Variants in C1orf159 observed in about 807,000 individuals in gnomAD.
C1orf159 encodes the protein chromosome 1 open reading frame 159.
In C1orf159, 19 loss-of-function variants were observed where a neutral mutation model predicts 25.6. That is an observed-to-expected ratio of 0.74 (90% confidence interval 0.52 to 1.09). C1orf159 has a LOEUF of 1.09. Ranked by LOEUF, C1orf159 falls within the 50% of genes least tolerant of loss-of-function variation. The probability of loss-of-function intolerance (pLI) is 0.00; values close to 1 mark genes in which losing one functional copy is unlikely to be tolerated. For synonymous variants in C1orf159, 139 were observed against 124.7 expected (o/e 1.12, Z -0.77); for missense variants, 274 against 290.6 (o/e 0.94, Z 0.42).
chr1:1,101,639 A>G (rs950076614), intron 1 of C1orf159, among the ~76,000 whole-genome samples: 1 of 151,952 alleles, frequency 6.6e-6, no homozygotes, highest in Non-Finnish European at 1.5e-5. Flanking sequence ...CTCATGGTCT[A>G]TCAATCAGCT....
intron 1 of C1orf159, chr1:1,115,110 G>C (rs1002909617): frequency 1.3e-5 from 2 of 152,168 alleles, no homozygotes; most frequent in African/African-American, 4.8e-5. Context: ...AGGAGGCCAA[G>C]TTTGACATCC....
At chr1:1,100,906 C>T (rs755559225) in intron 1 of C1orf159, among the ~76,000 whole-genome samples, 38 of 152,296 alleles carry the variant, frequency 2.5e-4, no homozygotes, top group East Asian at 1.9e-4. Context: ...CTACTCTTCA[C>T]GTTGTGGCTG....
chr1:1,103,476 C>G (rs1646130666), intron 1 of C1orf159, among the ~76,000 whole-genome samples: 1 of 152,218 alleles, frequency 6.6e-6, no homozygotes, highest in Non-Finnish European at 1.5e-5. Context: ...AATGTTTCTA[C>G]TTAGCAGGCA....
At chr1:1,104,294 T>C (rs1441506658) in intron 1 of C1orf159, among the ~76,000 whole-genome samples, 1 of 152,200 alleles carries the variant, frequency 6.6e-6, no homozygotes, top group Non-Finnish European at 1.5e-5. Flanking sequence ...GCCCAGACAG[T>C]GGACTTTCTA....
At chr1:1,098,896 GC>G (rs1454868986) in intron 1 of C1orf159, among the ~76,000 whole-genome samples, 1 of 152,216 alleles carries the variant, frequency 6.6e-6, no homozygotes, top group African/African-American at 2.4e-5. Context: ...ACAAGCTTGA[GC>G]CCCCATGTGC....
At chr1:1,097,819 T>C (rs1435980698) in intron 1 of C1orf159, among the ~76,000 whole-genome samples, 2 of 152,082 alleles carry the variant, frequency 1.3e-5, no homozygotes, top group Non-Finnish European at 2.9e-5. Flanking sequence ...TATTGTTAAG[T>C]TTCTCCATTT....
At chr1:1,100,672 T>C (rs973791494) in intron 1 of C1orf159, among the ~76,000 whole-genome samples, 2 of 152,234 alleles carry the variant, frequency 1.3e-5, no homozygotes, top group African/African-American at 4.8e-5. Flanking sequence ...CTCTATTCTC[T>C]TTCTGGCCCT....
At chr1:1,094,726 T>G (rs1645987158) in intron 1 of C1orf159, among the ~76,000 whole-genome samples, 1 of 152,192 alleles carries the variant, frequency 6.6e-6, no homozygotes. Context: ...TTTATGGACA[T>G]CTTTTGAAGA....
At chr1:1,088,653 C>T (rs1487546763) in intron 4 of C1orf159, among the ~76,000 whole-genome samples, 1 of 152,096 alleles carries the variant, frequency 6.6e-6, no homozygotes, top group Non-Finnish European at 1.5e-5. Flanking sequence ...TTCTAAATAT[C>T]TCCAACACTC....
chr1:1,106,746 G>A (rs1017662259), intron 1 of C1orf159: 7 of 153,300 alleles, frequency 4.6e-5, no homozygotes, highest in Admixed American at 2.6e-4. Context: ...TGGGCTGGCC[G>A]AGGCCGGAGC....
chr1:1,090,499 C>T, intron 3 of C1orf159, 71 bp from the exon 4 acceptor site: 1 of 1,462,316 alleles, frequency 6.8e-7, no homozygotes, highest in Non-Finnish European at 9.4e-7. Flanking sequence ...GCAGCAGCGG[C>T]TGAGGGGTGC....
intron 1 of C1orf159, among the ~76,000 whole-genome samples, chr1:1,107,890 C>T (rs191272213): frequency 3.5e-4 from 53 of 152,170 alleles, no homozygotes; most frequent in East Asian, 2.3e-3. Context: ...AGTGAGACCA[C>T]GAACCCACCA....
At chr1:1,090,317 G>A (rs1295729274) in intron 4 of C1orf159, 36 bp downstream of exon 4, 4 of 1,547,260 alleles carry the variant, frequency 2.6e-6, no homozygotes, top group Admixed American at 3.9e-5. Context: ...TGGCTCAGGG[G>A]CCGGTCTGGA....
In C1orf159 at chr1:1,112,632, C is replaced by T. The variant is rs539601464; in HGVS notation, c.-136+3428G>A. On this transcript the variant is annotated intron_variant, in intron 1 of 9. Transcript: ENST00000421241. ...TGCTCCCTCCCTCCAGTGAACACACCGGGCATGCTCCCTCCCTCCAGGGAA... is the reference window on the plus strand; with the variant it reads ...TGCTCCCTCCCTCCAGTGAACACACTGGGCATGCTCCCTCCCTCCAGGGAA... 2.6e-5 allele frequency among the ~76,000 whole-genome samples: 4 copies of T among 151,516 alleles called. No homozygotes were observed. In the South Asian group the frequency reaches 6.3e-4, roughly 24 times the overall value.
At chr1:1,086,734 C>T (rs569724125) in intron 6 of C1orf159, among the ~76,000 whole-genome samples, 191 of 152,162 alleles carry the variant, frequency 1.3e-3, no homozygotes, top group Non-Finnish European at 2.6e-3. Flanking sequence ...TGAGAGCGTG[C>T]AGTGTGGCCG....
In C1orf159 at chr1:1,087,439, C is replaced by T; in HGVS notation, c.244+63G>A. 4 of 1,443,448 alleles carry T rather than the reference C, an allele frequency of 2.8e-6. No individual in the cohort carries two copies. Among genetic ancestry groups the T allele is most frequent in the Non-Finnish European group, 1.9e-6 (2 of 1,059,238 alleles). 89.4% of individuals were successfully genotyped at this position (1,443,448 alleles called of 1,614,324 possible). A position where few individuals can be genotyped will look rare whatever the true frequency, so the allele number is the denominator to read the frequency against. ...CAAGGTGGGGACACAGACAGCAACT[C>T]CCACAGTGTCTCCCACAGCTGGAGC... is the stretch of plus-strand genomic sequence containing the variant. On this transcript the variant is annotated intron_variant, in intron 5 of 9. Transcript: ENST00000421241. The surrounding 1 kb of genome is among the most constrained non-coding windows in gnomAD (Gnocchi z 8.3).
intron 1 of C1orf159, among the ~76,000 whole-genome samples, chr1:1,102,827 C>G (rs374559281): frequency 4.0e-4 from 60 of 151,230 alleles, no homozygotes; most frequent in African/African-American, 1.4e-3. Context: ...AATTTCAGAT[C>G]TTGTTTTTTT....
At chr1:1,083,642 A>G in intron 9 of C1orf159, 1 of 513,940 alleles carries the variant, frequency 1.9e-6, no homozygotes, top group South Asian at 2.3e-5. Flanking sequence ...TAGTCAGATT[A>G]AAGGTCTGCT....
intron 6 of C1orf159, among the ~76,000 whole-genome samples, chr1:1,086,318 T>C (rs545112257): frequency 3.3e-5 from 5 of 152,322 alleles, no homozygotes; most frequent in Non-Finnish European, 7.3e-5. Flanking sequence ...CGGAAACACC[T>C]CTCCGATTCC....
Sources: allele counts gnomAD v4.1 joint callset (sites outside exome capture counted in the v4.1 genomes callset), GRCh38; gene constraint gnomAD v4.1.1; non-coding constraint Gnocchi (gnomAD v3.1); transcripts MANE v1.5; gene names NCBI Gene and HGNC (gene_info 2026-07-23, HGNC 2026-07-21).